Variants in RLN2 observed in about 807,000 individuals in gnomAD.
The protein encoded by RLN2 is prorelaxin H2.
Under a neutral mutation model 7.3 loss-of-function variants are expected in RLN2, and 10 were observed. The ratio of observed to expected loss-of-function variants is 1.36; its 90% CI spans 0.84 to 2.31. The LOEUF (loss-of-function observed/expected upper bound fraction) is 2.31. RLN2 is among the 30% of genes most tolerant of loss of function. The pLI is 0.00. For synonymous variants in RLN2, 103 were observed against 82.3 expected, an observed-to-expected ratio of 1.25 and a Z score of -1.36; for missense variants, 298 against 217.6, an observed-to-expected ratio of 1.37 and a Z score of -2.32.
At chr9:5,329,309 C>CAAAAAAAAAAAA in the RLN2 span, among the ~76,000 whole-genome samples, 2 of 53,284 alleles carry the variant, frequency 3.8e-5, no homozygotes, top group Non-Finnish European at 7.0e-5. Flanking sequence ...GACTCCATCT[C>CAAAAAAAAAAAA]AAAAAAAAAA....
At chr9:5,307,249 A>G (rs1199563210), upstream of RLN2, among the ~76,000 whole-genome samples, 2 of 134,172 alleles carry the variant, frequency 1.5e-5, no homozygotes, top group African/African-American at 2.9e-5. Context: ...GGTGATAGAT[A>G]GATGATAGAT....
chr9:5,329,130 C>T, the RLN2 span, among the ~76,000 whole-genome samples: 6 of 151,102 alleles, frequency 4.0e-5, no homozygotes, highest in African/African-American at 7.3e-5. Context: ...GGTGAAACCC[C>T]GTCTCTACTA....
At chr9:5,334,619 T>C in the RLN2 span, among the ~76,000 whole-genome samples, 3 of 152,150 alleles carry the variant, frequency 2.0e-5, no homozygotes, top group Admixed American at 6.5e-5. Flanking sequence ...ATTATGTCTA[T>C]ACGTTTTTCT....
At chr9:5,301,283 G>A (rs1306625691) in intron 1 of RLN2, among the ~76,000 whole-genome samples, 1 of 152,186 alleles carries the variant, frequency 6.6e-6, no homozygotes. Context: ...GTGAAGGCTG[G>A]GACTTGGGCT....
At chr9:5,337,743 A>G in the RLN2 span, among the ~76,000 whole-genome samples, 1 of 152,078 alleles carries the variant, frequency 6.6e-6, no homozygotes, top group Admixed American at 6.6e-5. Flanking sequence ...GGTTACTTTC[A>G]GTTAAATTAT....
chr9:5,329,735 T>G, the RLN2 span, among the ~76,000 whole-genome samples: 1 of 151,866 alleles, frequency 6.6e-6, no homozygotes, highest in Admixed American at 6.6e-5. Flanking sequence ...ATGGACCCAA[T>G]ACAGGAGCAC....
the RLN2 span, among the ~76,000 whole-genome samples, chr9:5,326,840 A>T: frequency 3.9e-4 from 60 of 152,122 alleles, no homozygotes; most frequent in Non-Finnish European, 1.0e-4. Flanking sequence ...CTAAGTATTG[A>T]AATAGAAGGC....
At chr9:5,300,530 A>G (rs1816096755) in intron 1 of RLN2, 86 bp from the exon 2 acceptor site, 1 of 838,386 alleles carries the variant, frequency 1.2e-6, no homozygotes, top group East Asian at 2.6e-5. Context: ...TGCATAGACA[A>G]AAAAGCATTG....
At chr9:5,300,914 G>T (rs1230676456) in intron 1 of RLN2, among the ~76,000 whole-genome samples, 1 of 152,128 alleles carries the variant, frequency 6.6e-6, no homozygotes, top group Non-Finnish European at 1.5e-5. Context: ...AATATTTCAT[G>T]GTGGGAAGTT....
the RLN2 span, among the ~76,000 whole-genome samples, chr9:5,337,696 A>AT: frequency 6.6e-6 from 1 of 152,140 alleles, no homozygotes; most frequent in South Asian, 2.1e-4. Flanking sequence ...AACGGTAAAC[A>AT]TTTATCTTAA....
the RLN2 span, among the ~76,000 whole-genome samples, chr9:5,313,434 T>C: frequency 6.6e-6 from 1 of 152,038 alleles, no homozygotes; most frequent in Non-Finnish European, 1.5e-5. Flanking sequence ...TTTTACAACC[T>C]TTCTATTTCA....
chr9:5,325,703 G>GTTAATTGTTAATTTTGTTAT, the RLN2 span, among the ~76,000 whole-genome samples: 5 of 152,028 alleles, frequency 3.3e-5, no homozygotes, highest in African/African-American at 1.2e-4. Context: ...ACTTCGGTTT[G>GTTAATTGTTAATTTTGTTAT]ATGTAAATTT....
the RLN2 span, chr9:5,311,472 G>T: frequency 3.1e-6 from 2 of 654,688 alleles, 1 homozygote. Context: ...TGAAGGGGAT[G>T]TTAAAGGAGA....
At chr9:5,335,279 G>A in the RLN2 span, 2 of 1,596,716 alleles carry the variant, frequency 1.3e-6, no homozygotes, top group Non-Finnish European at 1.7e-6. Context: ...AGACCTTTTG[G>A]TACAACCAAT....
the RLN2 span, among the ~76,000 whole-genome samples, chr9:5,315,759 A>C: frequency 3.9e-3 from 595 of 152,234 alleles, 16 homozygotes; most frequent in African/African-American, 0.014. Flanking sequence ...ATTTCTCAGC[A>C]GAAAACTTGC....
the RLN2 span, among the ~76,000 whole-genome samples, chr9:5,320,003 T>A: frequency 1.5e-5 from 2 of 137,336 alleles, no homozygotes; most frequent in African/African-American, 5.3e-5. Context: ...TTTTTTTTTT[T>A]AAGACGGAGT....
upstream of RLN2, among the ~76,000 whole-genome samples, chr9:5,305,773 T>C (rs1816237135): frequency 6.6e-6 from 1 of 152,058 alleles, no homozygotes. Flanking sequence ...AATAACAATC[T>C]CTTAGTTACA....
At chr9:5,305,390 CACACACACACACAG>C (rs1468118850), upstream of RLN2, among the ~76,000 whole-genome samples, 7 of 142,500 alleles carry the variant, frequency 4.9e-5, no homozygotes, top group African/African-American at 2.0e-4. Flanking sequence ...CACACACACA[CACACACACACACAG>C]AGAGAGAGAG....
chr9:5,300,281 G>A lies in RLN2; in HGVS notation c.375C>T (p.Leu125=), dbSNP rs1313778957. 1 of 1,613,978 alleles carries A rather than the reference G, an allele frequency of 6.2e-7. No homozygotes were observed. Among genetic ancestry groups the A allele is most frequent in the Non-Finnish European group, 8.5e-7 (1 of 1,179,930 alleles). Residue 125 remains leucine (L), a synonymous_variant, in exon 2 of 2, where the codon CTC becomes CTT. Coordinates refer to ENST00000381627, the MANE Select transcript of RLN2 (RefSeq NM_134441.3). ...HVPVLKDSSL[L]FEEFKKLIRN... ...GAATAAGTTTCTTAAATTCTTCAAAGAGAAGACTGGAATCTTTTAATACAG... is the reference window on the plus strand; with the variant it reads ...GAATAAGTTTCTTAAATTCTTCAAAAAGAAGACTGGAATCTTTTAATACAG...
Sources: gnomAD v4.1 joint callset for allele counts (sites outside exome capture counted in the v4.1 genomes callset) on GRCh38, gnomAD v4.1.1 for gene constraint, MANE v1.5 for transcripts, NCBI Gene and HGNC (gene_info 2026-07-23, HGNC 2026-07-21) for gene names.